MED15: variants seen among roughly 807,000 people sequenced by gnomAD.
MED15 encodes mediator complex subunit 15, also known as mediator of RNA polymerase II transcription subunit 15.
In MED15, 41 loss-of-function variants were observed where a neutral mutation model predicts 118.7. The observed-to-expected ratio is 0.35, with a 90% confidence interval of 0.27 to 0.45. The LOEUF (loss-of-function observed/expected upper bound fraction) is 0.45. MED15 is among the 20% of genes least tolerant of loss of function. MED15 has a pLI of 1.00. For synonymous variants in MED15, 436 were observed against 413.9 expected (o/e 1.05, Z -0.65); for missense variants, 740 against 1,025.5 (o/e 0.72, Z 3.80).
At chr22:20,577,120 C>T (rs898867069) in intron 9 of MED15, among the ~76,000 whole-genome samples, 1 of 152,136 alleles carries the variant, frequency 6.6e-6, no homozygotes, top group African/African-American at 2.4e-5. Context: ...ACTAAGAGTG[C>T]CCCCAGGGAG....
chr22:20,583,308 T>C, intron 12 of MED15, 22 bp from the exon 13 acceptor site: 1 of 1,613,568 alleles, frequency 6.2e-7, no homozygotes, highest in Non-Finnish European at 8.5e-7. Context: ...TGTGTCTTAG[T>C]GTGTACCCTC....
intron 5 of MED15, among the ~76,000 whole-genome samples, chr22:20,560,060 G>A (rs769061669): frequency 3.7e-4 from 56 of 152,140 alleles, no homozygotes; most frequent in Non-Finnish European, 6.9e-4. Flanking sequence ...GGTGCGTAAT[G>A]GGTGGAGACC....
At chr22:20,583,029 G>A (rs1443151057) in intron 11 of MED15, 62 bp downstream of exon 11, 1 of 1,577,468 alleles carries the variant, frequency 6.3e-7, no homozygotes. Flanking sequence ...GCTCATACTG[G>A]GTGTGCGAGC....
intron 1 of MED15, among the ~76,000 whole-genome samples, chr22:20,525,916 AT>A (rs1210902558): frequency 6.7e-6 from 1 of 149,884 alleles, no homozygotes; most frequent in African/African-American, 2.5e-5. Context: ...TTTAATTTTA[AT>A]TTTAATTTTC....
At chr22:20,562,558 AT>A (rs1371966279) in intron 5 of MED15, among the ~76,000 whole-genome samples, 1 of 151,866 alleles carries the variant, frequency 6.6e-6, no homozygotes, top group Non-Finnish European at 1.5e-5. Flanking sequence ...TAATTTTTGT[AT>A]TTTTAGTAGA....
chr22:20,549,473 G>A (rs1414727295), intron 2 of MED15, among the ~76,000 whole-genome samples: 1 of 152,026 alleles, frequency 6.6e-6, no homozygotes, highest in Non-Finnish European at 1.5e-5. Context: ...GGGGGTGGGG[G>A]TGGATGGTGA....
rs1168154194 is a variant in MED15 at position 20,564,645 on chromosome 22, A to G, written c.647A>G (p.Gln216Arg). 6.2e-7 allele frequency: 1 copy of G among 1,613,998 alleles called. No individual in the cohort carries two copies. Among genetic ancestry groups the G allele is most frequent in the Non-Finnish European group, 8.5e-7 (1 of 1,179,918 alleles). The change falls in exon 6 of 18, where the codon CAG becomes CGG. Residue 216 changes from glutamine (Q) to arginine (R), a missense_variant. Physicochemically the swap from Gln to Arg is conservative, Grantham distance 43 (BLOSUM62 1). Coordinates refer to ENST00000263205, the MANE Select transcript of MED15 (RefSeq NM_001003891.3). ...QQQQLQQQQQ[Q>R]QQHLIKLHHQ... Reference sequence around the variant, plus strand: ...CAGCAGCTCCAGCAGCAGCAGCAGCAGCAGCAGCATCTAATTAAATTGCAT... The same window carrying G: ...CAGCAGCTCCAGCAGCAGCAGCAGCGGCAGCAGCATCTAATTAAATTGCAT...
At position 20,586,737 on chromosome 22, in the gene MED15, G is replaced by C. The variant is rs754201728; in HGVS notation, c.*33G>C. ...TGCAGGGATGGCCCGCAGCCTCATC[G>C]GGGCCAAGGACACACGCCTCCTGTC... On this transcript the variant is annotated 3_prime_UTR_variant, in exon 18 of 18. Transcript: ENST00000263205. The C allele has an allele frequency of 1.2e-6, 2 of 1,608,898 alleles. No individual in the cohort carries two copies. Among genetic ancestry groups the C allele is most frequent in the Non-Finnish European group, 8.5e-7 (1 of 1,179,090 alleles).
At chr22:20,566,337 G>A (rs751048563) in intron 6 of MED15, 130 bp from the exon 7 acceptor site, 1 of 1,508,736 alleles carries the variant, frequency 6.6e-7, no homozygotes, top group East Asian at 2.3e-5. Context: ...ACTGCACCCA[G>A]CCAGGAAGGC....
chr22:20,545,473 C>CGAAAA, intron 2 of MED15, among the ~76,000 whole-genome samples: 1 of 90,118 alleles, frequency 1.1e-5, no homozygotes, highest in Non-Finnish European at 2.2e-5. Flanking sequence ...GACTCCACCT[C>CGAAAA]AAAAAAAAAA....
At chr22:20,527,000 TG>T (rs1368671917) in intron 1 of MED15, among the ~76,000 whole-genome samples, 1 of 152,194 alleles carries the variant, frequency 6.6e-6, no homozygotes, top group Admixed American at 6.5e-5. Flanking sequence ...GGCCCCCTGG[TG>T]GGACATGCTA....
At chr22:20,560,778 AT>A (rs2056206486) in intron 5 of MED15, among the ~76,000 whole-genome samples, 1 of 152,120 alleles carries the variant, frequency 6.6e-6, no homozygotes, top group African/African-American at 2.4e-5. Context: ...CTATTATTGC[AT>A]TTTCTAACAG....
chr22:20,540,156 G>A (rs940238415), intron 2 of MED15, among the ~76,000 whole-genome samples: 9 of 152,088 alleles, frequency 5.9e-5, no homozygotes, highest in African/African-American at 2.2e-4. Context: ...CTCATAAGAG[G>A]TTTACCCAAG....
At chr22:20,553,996 G>A (rs1169821437) in intron 4 of MED15, among the ~76,000 whole-genome samples, 1 of 152,234 alleles carries the variant, frequency 6.6e-6, no homozygotes, top group Non-Finnish European at 1.5e-5. Context: ...GATCCAGGCT[G>A]GCCAACTGCA....
chr22:20,517,689 A>C (rs1304868440), intron 1 of MED15, among the ~76,000 whole-genome samples: 1 of 152,094 alleles, frequency 6.6e-6, no homozygotes, highest in African/African-American at 2.4e-5. Flanking sequence ...GGGGATTCCT[A>C]GATCTGTCCA....
chr22:20,566,926 AC>A, intron 7 of MED15, 109 bp downstream of exon 7: 1 of 1,532,644 alleles, frequency 6.5e-7, no homozygotes, highest in Non-Finnish European at 8.8e-7. Context: ...AAGTGCTGAG[AC>A]TTCAGGCAGC....
intron 5 of MED15, 23 bp from the exon 6 acceptor site, chr22:20,564,427 T>A (rs1416163586): frequency 2.4e-5 from 39 of 1,612,990 alleles, no homozygotes; most frequent in Non-Finnish European, 3.2e-5. Context: ...GTGGACTGAC[T>A]GGCGACTCTG....
rs770018974 is a variant in MED15, at chr22:20,566,481, A to G, written c.705A>G (p.Gln235=). The change falls in exon 7 of 18, where the codon CAA becomes CAG. Residue 235 remains glutamine (Q), a synonymous_variant. Transcript: ENST00000263205. ...TCTGTCTCTAGATACAGCAGCAGCA[A>G]CAGCAGCTGCAGCGAATAGCACAGC... is the stretch of plus-strand genomic sequence containing the variant. ...HQNQQQIQQQ[Q]QQLQRIAQLQ... The G allele has an allele frequency of 1.9e-5, 30 of 1,611,626 alleles. No homozygotes were observed. The highest frequency in any genetic ancestry group is 2.4e-5 in the Non-Finnish European group (28 of 1,179,192).
intron 1 of MED15, among the ~76,000 whole-genome samples, chr22:20,531,466 G>T (rs922099408): frequency 1.3e-5 from 2 of 152,168 alleles, no homozygotes; most frequent in East Asian, 1.9e-4. Flanking sequence ...CCCAGAGCTG[G>T]TGAGTGGCTA....
Sources: gnomAD v4.1 joint callset for allele counts (sites outside exome capture counted in the v4.1 genomes callset) on GRCh38, gnomAD v4.1.1 for gene constraint, MANE v1.5 for transcripts, NCBI Gene and HGNC (gene_info 2026-07-23, HGNC 2026-07-21) for gene names.